The following PTPRG variants were observed in gnomAD, a reference collection of about 807,000 sequenced individuals.
PTPRG encodes the protein receptor-type tyrosine-protein phosphatase gamma.
A neutral mutation model predicts 165.3 loss-of-function variants in PTPRG; 102 were observed. The ratio of observed to expected loss-of-function variants is 0.62; its 90% CI spans 0.53 to 0.73. The LOEUF is 0.73. PTPRG is among the 30% of genes least tolerant of loss of function. PTPRG has a pLI of 0.00. For synonymous variants in PTPRG, 675 were observed against 669.5 expected, an observed-to-expected ratio of 1.01 and a Z score of -0.13; for missense variants, 1,866 against 1,861.4, an observed-to-expected ratio of 1.00 and a Z score of -0.05.
intron 3 of PTPRG, among the ~76,000 whole-genome samples, chr3:61,995,586 G>A (rs894655820): frequency 6.6e-6 from 1 of 151,850 alleles, no homozygotes; most frequent in Non-Finnish European, 1.5e-5. Context: ...TGTGAGGGGG[G>A]TGTGGGTGTG....
At chr3:61,611,551 C>A (rs1701169679) in intron 1 of PTPRG, among the ~76,000 whole-genome samples, 2 of 152,130 alleles carry the variant, frequency 1.3e-5, no homozygotes, top group Admixed American at 1.3e-4. Context: ...ATTTTTCTTG[C>A]ATTAGTAAGT....
At chr3:62,057,489 C>T (rs1227525051) in intron 4 of PTPRG, among the ~76,000 whole-genome samples, 1 of 152,200 alleles carries the variant, frequency 6.6e-6, no homozygotes, top group Non-Finnish European at 1.5e-5. Flanking sequence ...GTGGTGTTAC[C>T]ATGTCCGCAC....
rs1381887939 is a variant in PTPRG at position 62,214,577 on chromosome 3, AT to A, written c.2156-4273del. Among the ~76,000 whole-genome samples the A allele has an allele frequency of 1.8e-4, 27 of 152,210 alleles. No homozygotes were observed. The highest frequency in any genetic ancestry group is 6.5e-4 in the Admixed American group (10 of 15,282). On this transcript the variant is annotated intron_variant, in intron 12 of 29. Coordinates refer to ENST00000474889, the MANE Select transcript of PTPRG (RefSeq NM_002841.4). This position sits in a 1 kb window ranked among gnomAD's most constrained non-coding sequence, Gnocchi z 5.2. The stretch of plus-strand genomic sequence containing the variant: ...ACTGTTCTTCCATACACAGACGGAA[AT>A]CAGCCCTGCCTTTGGGGACCTAGAG...
At chr3:62,068,117 A>G (rs1701081810) in intron 4 of PTPRG, among the ~76,000 whole-genome samples, 1 of 152,206 alleles carries the variant, frequency 6.6e-6, no homozygotes, top group Admixed American at 6.5e-5. Flanking sequence ...TCTCAGCCTT[A>G]ATTTCCTTCT....
At chr3:61,928,926 A>G (rs2039292795) in intron 2 of PTPRG, among the ~76,000 whole-genome samples, 1 of 152,190 alleles carries the variant, frequency 6.6e-6, no homozygotes, top group South Asian at 2.1e-4. Flanking sequence ...GACATTTGGC[A>G]GTGGATGGAG....
At chr3:61,954,561 T>C (rs2039991452) in intron 2 of PTPRG, among the ~76,000 whole-genome samples, 1 of 152,116 alleles carries the variant, frequency 6.6e-6, no homozygotes, top group South Asian at 2.1e-4. Context: ...GGGGAGACGT[T>C]TATTCTAGCC....
Position 61,807,014 on chromosome 3 carries a change from ATTC to A in PTPRG, c.190+58036_190+58038del, listed in dbSNP as rs2035438783. On this transcript the variant is annotated intron_variant, in intron 2 of 29. Coordinates refer to ENST00000474889, the MANE Select transcript of PTPRG (RefSeq NM_002841.4). ...ATGCCTTTTATCTTGCCATTTAAAA[ATTC>A]TTCATTTTCTGCACCCAAGTGATTT... 1.3e-5 allele frequency among the ~76,000 whole-genome samples: 2 copies of A among 152,230 alleles called. 1 individual carries two copies. Among genetic ancestry groups the A allele is most frequent in the South Asian group, 4.1e-4 (2 of 4,828 alleles).
chr3:62,268,651 T>A (rs752476809), intron 19 of PTPRG, among the ~76,000 whole-genome samples: 12 of 152,142 alleles, frequency 7.9e-5, no homozygotes, highest in Non-Finnish European at 1.3e-4. Context: ...GAACCTTCCA[T>A]GAATCCAACC....
In PTPRG at chr3:61,853,364, C is replaced by T. The variant is rs903894353; in HGVS notation, c.190+104382C>T. ...ACTGTGTGACTTCTTAAGACCAGGC[C>T]GTAAAGGAATTGCGGCTTCTGCCTT... is the stretch of plus-strand genomic sequence containing the variant. On this transcript the variant is annotated intron_variant, in intron 2 of 29. Transcript: ENST00000474889. Among the ~76,000 whole-genome samples the T allele has an allele frequency of 3.3e-5, 5 of 152,102 alleles. No individual in the cohort carries two copies. The East Asian group carries it at 5.8e-4, about 18-fold the overall frequency.
At chr3:61,809,205 A>C (rs781078181) in intron 2 of PTPRG, among the ~76,000 whole-genome samples, 1 of 151,598 alleles carries the variant, frequency 6.6e-6, no homozygotes, top group African/African-American at 2.4e-5. Context: ...ATGAATAAGC[A>C]GCAGACTTTG....
At chr3:62,113,621 G>A (rs1702749602) in intron 5 of PTPRG, among the ~76,000 whole-genome samples, 1 of 152,150 alleles carries the variant, frequency 6.6e-6, no homozygotes, top group African/African-American at 2.4e-5. Context: ...TTGTACAAAT[G>A]TCAAGCAACA....
At chr3:62,232,911 G>A (rs1700938238) in intron 14 of PTPRG, among the ~76,000 whole-genome samples, 1 of 152,202 alleles carries the variant, frequency 6.6e-6, no homozygotes, top group African/African-American at 2.4e-5. Context: ...AGGGAGATAT[G>A]TGTTCTAACT....
At chr3:62,187,609 A>G (rs1252136948) in intron 8 of PTPRG, among the ~76,000 whole-genome samples, 2 of 152,250 alleles carry the variant, frequency 1.3e-5, no homozygotes, top group Non-Finnish European at 1.5e-5. Flanking sequence ...ACGAGAGACC[A>G]TGTGGCCTGC....
intron 1 of PTPRG, among the ~76,000 whole-genome samples, chr3:61,595,375 C>T (rs4580548): frequency 3.3e-5 from 5 of 152,096 alleles, no homozygotes; most frequent in Non-Finnish European, 7.3e-5. Context: ...AAGTAAGACT[C>T]TGGGGACTCT....
chr3:62,101,454 A>G (rs1191173628), intron 5 of PTPRG, among the ~76,000 whole-genome samples: 1 of 152,216 alleles, frequency 6.6e-6, no homozygotes, highest in African/African-American at 2.4e-5. Flanking sequence ...TAACTTTATG[A>G]TAATATTATT....
chr3:61,605,568 T>A (rs980957547), intron 1 of PTPRG, among the ~76,000 whole-genome samples: 26 of 83,414 alleles, frequency 3.1e-4, no homozygotes, highest in African/African-American at 7.3e-4. Flanking sequence ...TTTTTTTATT[T>A]TTTTGTTTTT....
At chr3:61,669,198 T>G (rs887247047) in intron 1 of PTPRG, among the ~76,000 whole-genome samples, 4 of 152,140 alleles carry the variant, frequency 2.6e-5, no homozygotes, top group Non-Finnish European at 5.9e-5. Flanking sequence ...AAATAAAAAG[T>G]ATGAGCAGAA....
At chr3:62,072,918 G>T (rs751021135) in intron 4 of PTPRG, among the ~76,000 whole-genome samples, 1 of 152,110 alleles carries the variant, frequency 6.6e-6, no homozygotes, top group Non-Finnish European at 1.5e-5. Context: ...TAGGGATAGG[G>T]CAGGGAAAAT....
intron 2 of PTPRG, among the ~76,000 whole-genome samples, chr3:61,983,617 A>G (rs2040690644): frequency 6.6e-6 from 1 of 152,168 alleles, no homozygotes; most frequent in African/African-American, 2.4e-5. Flanking sequence ...ATTTTCAGCA[A>G]AGAACCTCTT....
Sources: allele counts gnomAD v4.1 joint callset (sites outside exome capture counted in the v4.1 genomes callset), GRCh38; gene constraint gnomAD v4.1.1; non-coding constraint Gnocchi (gnomAD v3.1); transcripts MANE v1.5; gene names NCBI Gene and HGNC (gene_info 2026-07-23, HGNC 2026-07-21).